Variants in PLEKHA3 observed in about 807,000 individuals in gnomAD.
The protein encoded by PLEKHA3 is pleckstrin homology domain containing A3, also known as pleckstrin homology domain-containing family A member 3.
Under a neutral mutation model 39.2 loss-of-function variants are expected in PLEKHA3, and 19 were observed. That is an observed-to-expected ratio of 0.48 (90% CI 0.34 to 0.71). The LOEUF is 0.71. Among genes scored for constraint, PLEKHA3 ranks in the 30% least tolerant of loss-of-function variants. The pLI, the probability that PLEKHA3 is intolerant of heterozygous loss-of-function variation, is 0.01. For missense variants in PLEKHA3, 253 were observed against 359.5 expected, an observed-to-expected ratio of 0.70 and a Z score of 2.40; for synonymous variants, 97 against 118.6, an observed-to-expected ratio of 0.82 and a Z score of 1.18.
rs2154128152 is a variant in PLEKHA3, at chr2:178,507,426, G to C, written c.*3539G>C. ...TTGGTATTGCCTGATTTTCAAATTTGCTTAGTTTTTAATGTACCTGTCACA... is the reference window on the plus strand; with the variant it reads ...TTGGTATTGCCTGATTTTCAAATTTCCTTAGTTTTTAATGTACCTGTCACA... On this transcript the variant is annotated 3_prime_UTR_variant, in exon 8 of 8. Transcript: ENST00000234453. The C allele has an allele frequency of 6.6e-6, 1 of 152,140 alleles. No homozygotes were observed. Among genetic ancestry groups the C allele is most frequent in the East Asian group, 1.9e-4 (1 of 5,188 alleles). 9.4% of individuals were successfully genotyped at this position (152,140 alleles called of 1,614,324 possible). A position where few individuals can be genotyped will look rare whatever the true frequency, so the allele number is the denominator to read the frequency against.
chr2:178,500,378 A>T (rs958563633), intron 6 of PLEKHA3, among the ~76,000 whole-genome samples: 2 of 152,134 alleles, frequency 1.3e-5, no homozygotes, highest in African/African-American at 4.8e-5. Flanking sequence ...TGGAAGCTTA[A>T]TCAATTTTTG....
In PLEKHA3 at chr2:178,480,692, C is replaced by A; in HGVS notation, c.-178C>A. On this transcript the variant is annotated 5_prime_UTR_variant, in exon 1 of 8. Coordinates refer to ENST00000234453, the MANE Select transcript of PLEKHA3 (RefSeq NM_019091.4). ...CGCGGCCCCCAAGCTCCACGCTGCG[C>A]CCGCTGTCCCGGCCTCTAAAGGCCG... 2 of 397,534 alleles carry A rather than the reference C, an allele frequency of 5.0e-6. No individual in the cohort carries two copies. The highest frequency in any genetic ancestry group is 8.5e-6 in the Non-Finnish European group (2 of 234,598). The allele number at this position is 397,534 out of a possible 1,614,324, so 24.6% of individuals were successfully genotyped here.
At chr2:178,494,950 A>G (rs1040842923) in intron 4 of PLEKHA3, among the ~76,000 whole-genome samples, 1 of 151,608 alleles carries the variant, frequency 6.6e-6, no homozygotes, top group Non-Finnish European at 1.5e-5. Context: ...AACTAGGAAA[A>G]AATGAGCATT....
In PLEKHA3 at chr2:178,503,847, A is replaced by T. The variant is rs755319734; in HGVS notation, c.863A>T (p.Gln288Leu). The T allele has an allele frequency of 1.9e-6, 3 of 1,611,880 alleles. No individual in the cohort carries two copies. Among genetic ancestry groups the T allele is most frequent in the Non-Finnish European group, 2.5e-6 (3 of 1,178,318 alleles). ...PEESRLMAKKQSESEDTLPSF... is the reference protein window; with the variant it reads ...PEESRLMAKKLSESEDTLPSF... ...GAAAGCAGACTTATGGCCAAAAAAC[A>T]ATCTGAATCAGAAGATACTCTTCCA... Residue 288 changes from glutamine (Q) to leucine (L), a missense_variant, in exon 8 of 8, where the codon CAA becomes CTA. Physicochemically the swap from Gln to Leu is moderately radical, Grantham distance 113 (BLOSUM62 -2). Transcript: ENST00000234453.
In PLEKHA3 at chr2:178,516,266, GA is replaced by G. The variant is rs1349525563; in HGVS notation, c.*12384del. On this transcript the variant is annotated 3_prime_UTR_variant, in exon 8 of 8. Coordinates refer to ENST00000234453, the MANE Select transcript of PLEKHA3 (RefSeq NM_019091.4). Reference sequence around the variant, plus strand: ...TGCTATAACTAAACACTTTAATTTTGAAAAAGTTTCAGAATAGAATTTCTAT... The same window carrying G: ...TGCTATAACTAAACACTTTAATTTTGAAAAGTTTCAGAATAGAATTTCTAT... The G allele has an allele frequency of 6.6e-6, 1 of 151,972 alleles. No individual in the cohort carries two copies. Among genetic ancestry groups the G allele is most frequent in the Non-Finnish European group, 1.5e-5 (1 of 67,960 alleles). The allele number at this position is 151,972 out of a possible 1,614,324, so 9.4% of individuals were successfully genotyped here. A position where few individuals can be genotyped will look rare whatever the true frequency, so the allele number is the denominator to read the frequency against.
chr2:178,504,195 G>A lies in PLEKHA3; in HGVS notation c.*308G>A, dbSNP rs567009056. On this transcript the variant is annotated 3_prime_UTR_variant, in exon 8 of 8. Transcript: ENST00000234453. ...GATATTTTTCTTAAAAACTCTGAGGGGACTGACAGCATGGTCAGGGTGTAT... is the reference window on the plus strand; with the variant it reads ...GATATTTTTCTTAAAAACTCTGAGGAGACTGACAGCATGGTCAGGGTGTAT... The A allele has an allele frequency of 9.6e-6, 2 of 208,172 alleles. No homozygotes were observed. Among genetic ancestry groups the A allele is most frequent in the South Asian group, 1.8e-4 (2 of 11,060 alleles). The allele number at this position is 208,172 out of a possible 1,614,324, so 12.9% of individuals were successfully genotyped here.
intron 6 of PLEKHA3, 145 bp from the exon 7 acceptor site, chr2:178,500,916 T>C: frequency 1.6e-6 from 1 of 625,508 alleles, no homozygotes; most frequent in South Asian, 2.0e-5. Flanking sequence ...TGTTTTTGAC[T>C]TCTGAGTAGA....
Position 178,513,821 on chromosome 2 carries a change from G to C in PLEKHA3, c.*9934G>C, listed in dbSNP as rs12615347. ...GGGTTAACCACCCAGATTTTTGTCA[G>C]ATAATATATACATGTCCATGTAATT... On this transcript the variant is annotated 3_prime_UTR_variant, in exon 8 of 8. Transcript: ENST00000234453. 24,223 of 151,794 alleles carry C rather than the reference G, an allele frequency of 0.16. 2,645 individuals are homozygous for C. Among genetic ancestry groups the C allele is most frequent in the East Asian group, 0.61 (3,163 of 5,176 alleles). 9.4% of individuals were successfully genotyped at this position (151,794 alleles called of 1,614,324 possible).
chr2:178,510,534 C>A lies in PLEKHA3; in HGVS notation c.*6647C>A, dbSNP rs1184383051. ...GGTGTTTAGGTCATGTGGGTACCAC[C>A]CTCATGAATAGATTAATGCCGCCGT... On this transcript the variant is annotated 3_prime_UTR_variant, in exon 8 of 8. Coordinates refer to ENST00000234453, the MANE Select transcript of PLEKHA3 (RefSeq NM_019091.4). 1 of 153,676 alleles carries A rather than the reference C, an allele frequency of 6.5e-6. No individual in the cohort carries two copies. Among genetic ancestry groups the A allele is most frequent in the Non-Finnish European group, 1.5e-5 (1 of 68,042 alleles). 9.5% of individuals were successfully genotyped at this position (153,676 alleles called of 1,614,324 possible).
At position 178,507,669 on chromosome 2, in the gene PLEKHA3, T is replaced by TG. The variant is rs1685625251; in HGVS notation, c.*3782_*3783insG. On this transcript the variant is annotated 3_prime_UTR_variant, in exon 8 of 8. Coordinates refer to ENST00000234453, the MANE Select transcript of PLEKHA3 (RefSeq NM_019091.4). ...TAGTCTCACATTAGGTTTTTTTTTTTTTTTTTTTTTTTTTTTTTTTTTTTT... is the reference window on the plus strand; with the variant it reads ...TAGTCTCACATTAGGTTTTTTTTTTTGTTTTTTTTTTTTTTTTTTTTTTTTT... 4 of 103,016 alleles carry TG rather than the reference T, an allele frequency of 3.9e-5. No homozygotes were observed. The highest frequency in any genetic ancestry group is 7.1e-5 in the Non-Finnish European group (4 of 55,950). 6.4% of individuals were successfully genotyped at this position (103,016 alleles called of 1,614,324 possible). A position where few individuals can be genotyped will look rare whatever the true frequency, so the allele number is the denominator to read the frequency against.
chr2:178,485,170 A>G (rs1374477766), intron 1 of PLEKHA3, among the ~76,000 whole-genome samples: 1 of 152,202 alleles, frequency 6.6e-6, no homozygotes, highest in Non-Finnish European at 1.5e-5. Flanking sequence ...GGGACTGGGA[A>G]TTTTAGAGAT....
intron 5 of PLEKHA3, among the ~76,000 whole-genome samples, chr2:178,497,144 G>A (rs559002012): frequency 6.6e-6 from 1 of 151,526 alleles, no homozygotes; most frequent in East Asian, 1.9e-4. Context: ...GAAGTGTAGT[G>A]TACAGTGTTG....
At chr2:178,498,696 C>G (rs1017972775) in intron 5 of PLEKHA3, among the ~76,000 whole-genome samples, 2 of 151,854 alleles carry the variant, frequency 1.3e-5, no homozygotes, top group Non-Finnish European at 1.5e-5. Context: ...TCTTTAAAGT[C>G]TTGAATTATT....
At position 178,495,582 on chromosome 2, in the gene PLEKHA3, C is replaced by G; in HGVS notation, c.537C>G (p.Ala179=). Residue 179 remains alanine, a synonymous_variant, in exon 5 of 8, where the codon GCC becomes GCG. Transcript: ENST00000234453. ...TLEECVKIAN[A]KFKPEMFQLH... Reference sequence around the variant, plus strand: ...AGGAATGTGTGAAGATAGCCAATGCCAAGTTTAAACCTGAGATGTTTCAAC... The same window carrying G: ...AGGAATGTGTGAAGATAGCCAATGCGAAGTTTAAACCTGAGATGTTTCAAC... The G allele has an allele frequency of 6.2e-7, 1 of 1,614,162 alleles. No individual in the cohort carries two copies. The highest frequency in any genetic ancestry group is 2.2e-5 in the East Asian group (1 of 44,880).
chr2:178,494,175 G>C (rs1434763698), intron 4 of PLEKHA3, among the ~76,000 whole-genome samples, 186 bp downstream of exon 4: 1 of 152,210 alleles, frequency 6.6e-6, no homozygotes, highest in African/African-American at 2.4e-5. Flanking sequence ...GGCCAGAGAA[G>C]AACATGAAGT....
chr2:178,500,096 G>A (rs1293744302), intron 6 of PLEKHA3, among the ~76,000 whole-genome samples: 1 of 152,132 alleles, frequency 6.6e-6, no homozygotes, highest in African/African-American at 2.4e-5. Context: ...AAAATGCTAA[G>A]TTGTTAAACT....
At chr2:178,485,452 C>G (rs1199563006) in intron 1 of PLEKHA3, among the ~76,000 whole-genome samples, 189 bp from the exon 2 acceptor site, 3 of 152,198 alleles carry the variant, frequency 2.0e-5, no homozygotes, top group Non-Finnish European at 4.4e-5. Context: ...GCTCCAGAAA[C>G]CTCTCCCAAT....
At position 178,506,512 on chromosome 2, in the gene PLEKHA3, C is replaced by T. The variant is rs1037310142; in HGVS notation, c.*2625C>T. The T allele has an allele frequency of 6.6e-6, 1 of 152,146 alleles. No homozygotes were observed. Among genetic ancestry groups the T allele is most frequent in the Non-Finnish European group, 1.5e-5 (1 of 68,034 alleles). The allele number at this position is 152,146 out of a possible 1,614,324, so 9.4% of individuals were successfully genotyped here. A position where few individuals can be genotyped will look rare whatever the true frequency, so the allele number is the denominator to read the frequency against. On this transcript the variant is annotated 3_prime_UTR_variant, in exon 8 of 8. Coordinates refer to ENST00000234453, the MANE Select transcript of PLEKHA3 (RefSeq NM_019091.4). ...AATTCCAAGGCAGAAGATAGAGTAT[C>T]TTCATTTCCACAGATGCCCTAGAAC... is the stretch of plus-strand genomic sequence containing the variant.
Position 178,508,188 on chromosome 2 carries a change from A to G in PLEKHA3, c.*4301A>G, listed in dbSNP as rs1223708322. 3.3e-5 allele frequency: 5 copies of G among 152,592 alleles called. No homozygotes were observed. The highest frequency in any genetic ancestry group is 5.9e-5 in the Non-Finnish European group (4 of 67,850). 9.5% of individuals were successfully genotyped at this position (152,592 alleles called of 1,614,324 possible). On this transcript the variant is annotated 3_prime_UTR_variant, in exon 8 of 8. Transcript: ENST00000234453. ...ACCTCCCAGAGTTGGACCGCCTCTA[A>G]ATTTAAAAAGCTTTTTCTCTCTAGT...
Sources: gnomAD v4.1 joint callset for allele counts (sites outside exome capture counted in the v4.1 genomes callset) on GRCh38, gnomAD v4.1.1 for gene constraint, MANE v1.5 for transcripts, NCBI Gene and HGNC (gene_info 2026-07-23, HGNC 2026-07-21) for gene names.